TOPAZ1: variants seen among roughly 807,000 people sequenced by gnomAD.
TOPAZ1 encodes testis and ovary specific TOPAZ 1, also known as protein TOPAZ1.
TOPAZ1 carries 66 observed loss-of-function variants against 172.2 expected under a neutral mutation model. That is an observed-to-expected ratio of 0.38 (90% CI 0.31 to 0.47). The LOEUF (loss-of-function observed/expected upper bound fraction) is 0.47, where lower values mean the gene tolerates loss of function less well. Among genes scored for constraint, TOPAZ1 ranks in the 20% least tolerant of loss-of-function variants. The pLI is 0.99. For synonymous variants in TOPAZ1, 681 were observed against 683.9 expected, an observed-to-expected ratio of 1.00 and a Z score of 0.07; for missense variants, 1,822 against 1,972.4, an observed-to-expected ratio of 0.92 and a Z score of 1.44.
intron 16 of TOPAZ1, among the ~76,000 whole-genome samples, chr3:44,320,734 A>T (rs1700499068): frequency 6.6e-6 from 1 of 152,200 alleles, no homozygotes; most frequent in Non-Finnish European, 1.5e-5. Context: ...GATAATCTGA[A>T]CTTTTTTATA....
intron 8 of TOPAZ1, among the ~76,000 whole-genome samples, chr3:44,273,553 A>C (rs1699920408): frequency 6.6e-6 from 1 of 152,248 alleles, no homozygotes; most frequent in South Asian, 2.1e-4. Context: ...CAAATTATTT[A>C]GTTTGGCATT....
intron 18 of TOPAZ1, 96 bp from the exon 19 acceptor site, chr3:44,328,154 T>C (rs953559919): frequency 2.9e-6 from 2 of 686,894 alleles, no homozygotes; most frequent in African/African-American, 1.9e-5. Context: ...TGAAGACTTA[T>C]TCTGTGTAAG....
At chr3:44,257,230 C>T (rs959729877) in intron 4 of TOPAZ1, among the ~76,000 whole-genome samples, 8 of 150,814 alleles carry the variant, frequency 5.3e-5, no homozygotes, top group Non-Finnish European at 1.2e-4. Flanking sequence ...AGCTACTTGG[C>T]GGGGTGGAGG....
At chr3:44,271,897 TCCCCATTC>T (rs1288845764) in intron 8 of TOPAZ1, among the ~76,000 whole-genome samples, 2 of 152,142 alleles carry the variant, frequency 1.3e-5, no homozygotes, top group African/African-American at 2.4e-5. Flanking sequence ...GACCATCATC[TCCCCATTC>T]CCCTAACCAC....
intron 2 of TOPAZ1, among the ~76,000 whole-genome samples, chr3:44,251,118 CTCTT>C (rs2125678300): frequency 6.6e-6 from 1 of 152,044 alleles, no homozygotes; most frequent in East Asian, 1.9e-4. Context: ...ATTTTTTTCT[CTCTT>C]TTTTTTTTCT....
chr3:44,253,990 T>C (rs1431847326), intron 2 of TOPAZ1, among the ~76,000 whole-genome samples: 1 of 152,230 alleles, frequency 6.6e-6, no homozygotes, highest in Non-Finnish European at 1.5e-5. Flanking sequence ...GAATAGTGTT[T>C]GGCCATTTGT....
chr3:44,242,525 A>G, intron 1 of TOPAZ1, 126 bp downstream of exon 1: 1 of 1,034,766 alleles, frequency 9.7e-7, no homozygotes, highest in Admixed American at 2.7e-5. Flanking sequence ...TGACCAGGAG[A>G]TGGGAAAAAT....
rs765419856 is a variant in TOPAZ1 at position 44,285,592 on chromosome 3, C to T, written c.3437-1797C>T. Reference sequence around the variant, plus strand: ...ATTATTTGTTTTTGATTTTTTGAGACGGAGTCTTCCCCGGTCGCCCAGGCT... The same window carrying T: ...ATTATTTGTTTTTGATTTTTTGAGATGGAGTCTTCCCCGGTCGCCCAGGCT... On this transcript the variant is annotated intron_variant, in intron 9 of 19. Coordinates refer to ENST00000309765, the MANE Select transcript of TOPAZ1 (RefSeq NM_001145030.2). 7.9e-5 allele frequency among the ~76,000 whole-genome samples: 12 copies of T among 151,780 alleles called. 1 individual carries two copies. The Middle Eastern group carries it at 0.01, about 130-fold the overall frequency.
rs1465101663 is a variant in TOPAZ1 at position 44,243,477 on chromosome 3, G to T, written c.971G>T (p.Ser324Ile). The change falls in exon 2 of 20, where the codon AGC becomes ATC. Residue 324 changes from serine (S) to isoleucine (I), a missense_variant. Transcript: ENST00000309765. ...HEKNKYSIEE[S>I]SVGRKPRKRM... Reference sequence around the variant, plus strand: ...AAAAATAAATATTCAATAGAGGAGAGCAGTGTTGGGCGAAAACCCAGGAAA... The same window carrying T: ...AAAAATAAATATTCAATAGAGGAGATCAGTGTTGGGCGAAAACCCAGGAAA... 1.9e-6 allele frequency: 3 copies of T among 1,551,494 alleles called. No homozygotes were observed. In the African/African-American group the frequency reaches 4.1e-5, roughly 21 times the overall value.
intron 12 of TOPAZ1, among the ~76,000 whole-genome samples, chr3:44,294,204 C>T (rs1260286617): frequency 6.6e-6 from 1 of 151,486 alleles, no homozygotes; most frequent in Non-Finnish European, 1.5e-5. Flanking sequence ...CGTGCCACTG[C>T]ACTCCATTCT....
intron 18 of TOPAZ1, among the ~76,000 whole-genome samples, chr3:44,325,543 T>A (rs760730396): frequency 1.3e-5 from 2 of 152,166 alleles, no homozygotes; most frequent in East Asian, 3.8e-4. Flanking sequence ...TCCACCCTAG[T>A]CCTAGGCAAC....
At chr3:44,264,652 GTAGCATGTGATGCTGTTTGA>G (rs1452220956) in intron 5 of TOPAZ1, among the ~76,000 whole-genome samples, 6 of 152,194 alleles carry the variant, frequency 3.9e-5, no homozygotes, top group African/African-American at 1.2e-4. Flanking sequence ...AGATTTCTCT[GTAGCATGTGATGCTGTTTGA>G]TAGCATTTTA....
chr3:44,251,130 T>C (rs1044600937), intron 2 of TOPAZ1, among the ~76,000 whole-genome samples: 3 of 152,086 alleles, frequency 2.0e-5, no homozygotes, highest in African/African-American at 4.8e-5. Flanking sequence ...CTTTTTTTTT[T>C]CTTTGAGAGA....
Position 44,242,218 on chromosome 3 carries a change from G to T in TOPAZ1, c.165G>T (p.Arg55=), listed in dbSNP as rs1045488182. 3 of 1,545,548 alleles carry T rather than the reference G, an allele frequency of 1.9e-6. No homozygotes were observed. The African/African-American group carries it at 4.1e-5, about 21-fold the overall frequency. ...AGCAAAAGAGGAGAATGGTGGCCCG[G>T]GCCACCCCTGGGAGAGGCGAGGTGG... is the stretch of plus-strand genomic sequence containing the variant. The part of the protein sequence containing the change: ...ENKQKRRMVA[R]ATPGRGEVES... Residue 55 remains arginine, a synonymous_variant, in exon 1 of 20, where the codon CGG becomes CGT. Coordinates refer to ENST00000309765, the MANE Select transcript of TOPAZ1 (RefSeq NM_001145030.2).
At position 44,287,433 on chromosome 3, in the gene TOPAZ1, T is replaced by C; in HGVS notation, c.3481T>C (p.Tyr1161His). The C allele has an allele frequency of 6.6e-7, 1 of 1,523,100 alleles. No individual in the cohort carries two copies. The highest frequency in any genetic ancestry group is 8.8e-7 in the Non-Finnish European group (1 of 1,132,882). The allele number at this position is 1,523,100 out of a possible 1,614,324, so 94.3% of individuals were successfully genotyped here. A position where few individuals can be genotyped will look rare whatever the true frequency, so the allele number is the denominator to read the frequency against. ...CTACAGAAAGTTTCCCCCAGGTGTA[T>C]ACTTTGATTTACAAGTGCTAAATGA... ...EYYRKFPPGV[Y>H]FDLQVLNDLL... Residue 1161 changes from tyrosine (Y) to histidine (H), a missense_variant, in exon 10 of 20, where the codon TAC (tyrosine) becomes CAC (histidine). This residue lies in a region of TOPAZ1 where 1,489 missense variants were observed against 1,490.8 expected (regional missense o/e 1.00). Coordinates refer to ENST00000309765, the MANE Select transcript of TOPAZ1 (RefSeq NM_001145030.2).
intron 4 of TOPAZ1, among the ~76,000 whole-genome samples, chr3:44,257,350 G>GGGGT (rs1199485560): frequency 9.7e-5 from 7 of 72,466 alleles, no homozygotes; most frequent in Non-Finnish European, 1.9e-4. Flanking sequence ...AGAAAACATA[G>GGGGT]GGGTGTGTGT....
intron 4 of TOPAZ1, among the ~76,000 whole-genome samples, chr3:44,260,867 T>C (rs1699767380): frequency 6.6e-6 from 1 of 152,148 alleles, no homozygotes; most frequent in Non-Finnish European, 1.5e-5. Flanking sequence ...GCACACTTAT[T>C]TTCCATCCAA....
chr3:44,296,378 T>G (rs1291325269), intron 12 of TOPAZ1, among the ~76,000 whole-genome samples: 1 of 151,604 alleles, frequency 6.6e-6, no homozygotes, highest in Admixed American at 6.6e-5. Flanking sequence ...AAAAAGCTGT[T>G]TGTTTGAAAA....
At chr3:44,301,555 T>G (rs962354955) in intron 12 of TOPAZ1, among the ~76,000 whole-genome samples, 4 of 152,228 alleles carry the variant, frequency 2.6e-5, no homozygotes, top group African/African-American at 9.6e-5. Context: ...TGTTTTTCAA[T>G]GTTTGCCAAT....
Sources: allele counts gnomAD v4.1 joint callset (sites outside exome capture counted in the v4.1 genomes callset), GRCh38; gene constraint gnomAD v4.1.1; regional missense constraint gnomAD v4.1.1; transcripts MANE v1.5; gene names NCBI Gene and HGNC (gene_info 2026-07-23, HGNC 2026-07-21).